The following SPTBN2 variants were observed in gnomAD, a reference collection of about 807,000 sequenced individuals.
SPTBN2 encodes the protein spectrin beta, non-erythrocytic 2.
A neutral mutation model predicts 284.2 loss-of-function variants in SPTBN2; 107 were observed. That is an observed-to-expected ratio of 0.38 (90% CI 0.32 to 0.44). The LOEUF is 0.44. Among genes scored for constraint, SPTBN2 ranks in the 20% least tolerant of loss-of-function variants. The pLI is 1.00. For missense variants in SPTBN2, 2,569 were observed against 3,287.1 expected (o/e 0.78, Z 5.34); for synonymous variants, 1,289 against 1,354.8 (o/e 0.95, Z 1.07).
intron 1 of SPTBN2, among the ~76,000 whole-genome samples, chr11:66,721,875 A>C (rs137933502): frequency 0.012 from 1,860 of 152,158 alleles, 10 homozygotes; most frequent in Middle Eastern, 0.02. Context: ...GTGAAACCCT[A>C]TCTCTACTAA....
chr11:66,731,524 G>A (rs1942814327), upstream of SPTBN2, among the ~76,000 whole-genome samples: 1 of 152,162 alleles, frequency 6.6e-6, no homozygotes, highest in Non-Finnish European at 1.5e-5. Context: ...CAGGGAAGAG[G>A]TGTCCCTCTT....
At chr11:66,686,730 C>G in intron 36 of SPTBN2, 1 of 635,334 alleles carries the variant, frequency 1.6e-6, no homozygotes, top group Non-Finnish European at 2.7e-6. Context: ...TTCCCAGATC[C>G]CTACCTTTGG....
At chr11:66,688,922 C>T (rs1940341819) in intron 30 of SPTBN2, 73 bp from the exon 31 acceptor site, 2 of 1,567,032 alleles carry the variant, frequency 1.3e-6, no homozygotes, top group Non-Finnish European at 1.7e-6. Flanking sequence ...GCCATGGCAA[C>T]CTCAAGAACA....
chr11:66,732,672 A>T (rs1248032681), upstream of SPTBN2, among the ~76,000 whole-genome samples: 1 of 128,546 alleles, frequency 7.8e-6, no homozygotes, highest in Non-Finnish European at 1.7e-5. Flanking sequence ...AAAAAAAAAA[A>T]TGGAGAAAAG....
Position 66,707,408 on chromosome 11 carries a change from T to C in SPTBN2, c.1653+108A>G. 3 of 1,209,704 alleles carry C rather than the reference T, an allele frequency of 2.5e-6. No individual in the cohort carries two copies. Among genetic ancestry groups the C allele is most frequent in the Non-Finnish European group, 3.5e-6 (3 of 859,880 alleles). 74.9% of individuals were successfully genotyped at this position (1,209,704 alleles called of 1,614,324 possible). A position where few individuals can be genotyped will look rare whatever the true frequency, so the allele number is the denominator to read the frequency against. On this transcript the variant is annotated intron_variant, in intron 13 of 37. Transcript: ENST00000533211. The surrounding 1 kb of genome is among the most constrained non-coding windows in gnomAD (Gnocchi z 4.9). ...TGCAACTGGGGACAGGGCCCTGTGC[T>C]GGTTCACACTCCACAGAGATCGGCC...
chr11:66,723,410 GGGTGGTGAGACTCAGGTA>G (rs1431224294), intron 1 of SPTBN2, among the ~76,000 whole-genome samples: 1 of 152,058 alleles, frequency 6.6e-6, no homozygotes, highest in Admixed American at 6.6e-5. Flanking sequence ...GAGAAGTGCT[GGGTGGTGAGACTCAGGTA>G]GGTGGTGAGA....
intron 26 of SPTBN2, 91 bp downstream of exon 26, chr11:66,692,445 A>G: frequency 2.0e-6 from 3 of 1,492,750 alleles, no homozygotes; most frequent in Non-Finnish European, 2.8e-6. Flanking sequence ...TTAGCCCCTC[A>G]GTGCTCTGCC....
At chr11:66,702,937 C>CAA (rs1170116245) in intron 15 of SPTBN2, among the ~76,000 whole-genome samples, 2,308 of 40,538 alleles carry the variant, frequency 0.057, 138 homozygotes, top group Admixed American at 0.087. Context: ...GACTCCGTCT[C>CAA]AAAAAAAAAA....
upstream of SPTBN2, among the ~76,000 whole-genome samples, chr11:66,731,707 C>T (rs1590997075): frequency 6.6e-6 from 1 of 152,206 alleles, no homozygotes; most frequent in East Asian, 1.9e-4. Flanking sequence ...CCATGCATTC[C>T]CCTTGCTCTT....
rs769503129 is a variant in SPTBN2 at position 66,718,424 on chromosome 11, G to C, written c.158-2443C>G. Among the ~76,000 whole-genome samples the C allele has an allele frequency of 6.6e-6, 1 of 152,222 alleles. No individual in the cohort carries two copies. The highest frequency in any genetic ancestry group is 1.5e-5 in the Non-Finnish European group (1 of 68,030). On this transcript the variant is annotated intron_variant, in intron 3 of 37. Transcript: ENST00000533211. This position sits in a 1 kb window ranked among gnomAD's most constrained non-coding sequence, Gnocchi z 4.8. Reference sequence around the variant, plus strand: ...TCGCCCAGGCACAGTCGTCCCCACAGGGGGCCCCCGGGCCTCACCTTGCAG... The same window carrying C: ...TCGCCCAGGCACAGTCGTCCCCACACGGGGCCCCCGGGCCTCACCTTGCAG...
At position 66,708,816 on chromosome 11, in the gene SPTBN2, G is replaced by C. The variant is rs1340894903; in HGVS notation, c.1191+86C>G. ...CAGATAGTAGAACTTGGTGAAGGTC[G>C]ACATGGCCCCGGGTTTGGGGATGTG... On this transcript the variant is annotated intron_variant, in intron 11 of 37. Transcript: ENST00000533211. This position sits in a 1 kb window ranked among gnomAD's most constrained non-coding sequence, Gnocchi z 4.4. 8.9e-7 allele frequency: 1 copy of C among 1,122,052 alleles called. No homozygotes were observed. The highest frequency in any genetic ancestry group is 1.5e-5 in the African/African-American group (1 of 65,100). 69.5% of individuals were successfully genotyped at this position (1,122,052 alleles called of 1,614,324 possible).
intron 1 of SPTBN2, among the ~76,000 whole-genome samples, chr11:66,724,723 G>A (rs536472541): frequency 2.2e-3 from 335 of 152,296 alleles, no homozygotes; most frequent in Non-Finnish European, 4.0e-3. Context: ...CCTTCAAGCA[G>A]GTCAGGTTCA....
At chr11:66,686,359 G>A (rs1940113211) in intron 37 of SPTBN2, 39 bp downstream of exon 37, 1 of 1,613,360 alleles carries the variant, frequency 6.2e-7, no homozygotes. Flanking sequence ...GAAGCTTCTG[G>A]AATGGCACGG....
rs1464889116 is a variant in SPTBN2, at chr11:66,707,446, G to A, written c.1653+70C>T. 3.7e-5 allele frequency: 55 copies of A among 1,494,930 alleles called. No individual in the cohort carries two copies. Among genetic ancestry groups the A allele is most frequent in the Middle Eastern group, 4.3e-4 (2 of 4,696 alleles). 92.6% of individuals were successfully genotyped at this position (1,494,930 alleles called of 1,614,324 possible). A position where few individuals can be genotyped will look rare whatever the true frequency, so the allele number is the denominator to read the frequency against. On this transcript the variant is annotated intron_variant, in intron 13 of 37. Transcript: ENST00000533211. This position sits in a 1 kb window ranked among gnomAD's most constrained non-coding sequence, Gnocchi z 4.9. ...ACAGAGATCGGCCGAGCAGACGGGCGGACGCACCCACTGTGGGGCCCCCTC... is the reference window on the plus strand; with the variant it reads ...ACAGAGATCGGCCGAGCAGACGGGCAGACGCACCCACTGTGGGGCCCCCTC...
chr11:66,684,505 T>C lies in SPTBN2; in HGVS notation c.*1366A>G, dbSNP rs1418823054. Reference sequence around the variant, plus strand: ...ACAGACTTAGTCGGGTATGATGGCATGTGCCTGTGGTTCAGGCTACTCGGG... The same window carrying C: ...ACAGACTTAGTCGGGTATGATGGCACGTGCCTGTGGTTCAGGCTACTCGGG... On this transcript the variant is annotated 3_prime_UTR_variant, in exon 38 of 38. Transcript: ENST00000533211. 6.6e-6 allele frequency among the ~76,000 whole-genome samples: 1 copy of C among 151,986 alleles called. No homozygotes were observed. The highest frequency in any genetic ancestry group is 1.5e-5 in the Non-Finnish European group (1 of 67,998).
At chr11:66,722,163 C>T (rs1240294444) in intron 1 of SPTBN2, among the ~76,000 whole-genome samples, 1 of 152,206 alleles carries the variant, frequency 6.6e-6, no homozygotes, top group East Asian at 1.9e-4. Context: ...TTAGTAAGTA[C>T]TCAATAAATG....
chr11:66,693,054 TC>T lies in SPTBN2; in HGVS notation c.4900del (p.Glu1634SerfsTer21). ...CTGCGCGTAGTCGGCCAGGGCTTGCTCCAGCACCTGGTGCTTCTTCACCTCT... is the reference window on the plus strand; with the variant it reads ...CTGCGCGTAGTCGGCCAGGGCTTGCTCAGCACCTGGTGCTTCTTCACCTCT... ...QAEVKKHQVL[E>X]QALADYAQTI... On this transcript the variant is annotated frameshift_variant, in exon 25 of 38. Transcript: ENST00000533211. LOFTEE classifies it high-confidence loss of function. The surrounding 1 kb of genome is among the most constrained non-coding windows in gnomAD (Gnocchi z 5.7). The T allele has an allele frequency of 6.2e-7, 1 of 1,614,002 alleles. No individual in the cohort carries two copies. The highest frequency in any genetic ancestry group is 8.5e-7 in the Non-Finnish European group (1 of 1,180,032).
chr11:66,692,696 G>A lies in SPTBN2; in HGVS notation c.5030C>T (p.Ala1677Val). 1.9e-6 allele frequency: 3 copies of A among 1,604,336 alleles called. No homozygotes were observed. Among genetic ancestry groups the A allele is most frequent in the African/African-American group, 2.7e-5 (2 of 75,054 alleles). Residue 1677 changes from alanine (A) to valine (V), a missense_variant, in exon 26 of 38, where the codon GCC (alanine) becomes GTC (valine). This residue lies in a region of SPTBN2 where 1,130 missense variants were observed against 1,317.3 expected (regional missense o/e 0.86). Transcript: ENST00000533211. ...IRQAQVDKLY[A>V]GLKELAGERR... Reference sequence around the variant, plus strand: ...CTCTCCAGCCAGCTCCTTCAGGCCGGCATACAGCTTGTCCACCTGGGCTTG... The same window carrying A: ...CTCTCCAGCCAGCTCCTTCAGGCCGACATACAGCTTGTCCACCTGGGCTTG...
intron 21 of SPTBN2, among the ~76,000 whole-genome samples, chr11:66,694,880 A>G (rs1188011804): frequency 6.6e-6 from 1 of 152,194 alleles, no homozygotes; most frequent in Non-Finnish European, 1.5e-5. Flanking sequence ...GATGTGGGGC[A>G]TTCCACGGTT....
Sources: gnomAD v4.1 joint callset for allele counts (sites outside exome capture counted in the v4.1 genomes callset) on GRCh38, gnomAD v4.1.1 for gene constraint, gnomAD v4.1.1 regional missense constraint, Gnocchi (gnomAD v3.1) non-coding constraint, MANE v1.5 for transcripts, NCBI Gene and HGNC (gene_info 2026-07-23, HGNC 2026-07-21) for gene names.